Variants in CBFA2T3 observed in about 807,000 individuals in gnomAD.
The protein encoded by CBFA2T3 is transcriptional corepressor CBFA2T3.
A neutral mutation model predicts 58.6 loss-of-function variants in CBFA2T3; 31 were observed. That is an observed-to-expected ratio of 0.53 (90% CI 0.40 to 0.71). The LOEUF (loss-of-function observed/expected upper bound fraction) is 0.71. CBFA2T3 is among the 30% of genes least tolerant of loss of function. CBFA2T3 has a pLI of 0.00. For missense variants in CBFA2T3, 1,076 were observed against 963.1 expected (o/e 1.12, Z -1.55); for synonymous variants, 531 against 421.9 (o/e 1.26, Z -3.17).
intron 1 of CBFA2T3, among the ~76,000 whole-genome samples, chr16:88,961,164 C>CAGAT (rs1972344201): frequency 6.6e-6 from 1 of 152,190 alleles, no homozygotes; most frequent in Non-Finnish European, 1.5e-5. Context: ...GCTTTCTAAA[C>CAGAT]CTGCTGTAAC....
intron 5 of CBFA2T3, among the ~76,000 whole-genome samples, chr16:88,888,221 C>T (rs1053482275): frequency 6.6e-6 from 1 of 151,580 alleles, no homozygotes; most frequent in Non-Finnish European, 1.5e-5. Flanking sequence ...CCCTCAGCCA[C>T]GATTCCTGCC....
At chr16:88,907,118 T>C (rs1970365175) in intron 1 of CBFA2T3, among the ~76,000 whole-genome samples, 1 of 152,212 alleles carries the variant, frequency 6.6e-6, no homozygotes, top group African/African-American at 2.4e-5. Context: ...CCAGCATCCC[T>C]GAACTCTACA....
chr16:88,935,920 G>A (rs1222715543), intron 1 of CBFA2T3, among the ~76,000 whole-genome samples: 1 of 152,156 alleles, frequency 6.6e-6, no homozygotes, highest in Admixed American at 6.5e-5. Flanking sequence ...TGTAGGTCAC[G>A]CAGCTGCTGG....
chr16:88,905,762 C>A (rs145542134), intron 1 of CBFA2T3, among the ~76,000 whole-genome samples: 4,926 of 33,502 alleles, frequency 0.15, 193 homozygotes, highest in African/African-American at 0.27. Context: ...GGCTGAAGGA[C>A]GGTGGGGATG....
chr16:88,929,478 C>T (rs1325996560), intron 1 of CBFA2T3, among the ~76,000 whole-genome samples: 1 of 152,252 alleles, frequency 6.6e-6, no homozygotes, highest in African/African-American at 2.4e-5. Context: ...GCCAGGGATT[C>T]TACTCCTAGG....
intron 1 of CBFA2T3, among the ~76,000 whole-genome samples, chr16:88,935,662 T>C: frequency 6.6e-6 from 1 of 152,036 alleles, no homozygotes; most frequent in East Asian, 1.9e-4. Context: ...ACCACCCCAT[T>C]TTGCAAAGGT....
intron 1 of CBFA2T3, among the ~76,000 whole-genome samples, chr16:88,931,831 A>G (rs1971316472): frequency 6.6e-6 from 1 of 152,034 alleles, no homozygotes; most frequent in Admixed American, 6.5e-5. Context: ...CTCACGCTTT[A>G]TAAAAGCTCT....
In CBFA2T3 at chr16:88,876,977, C is replaced by T. The variant is rs1247724340; in HGVS notation, c.1961G>A (p.Ter654=). The change falls in exon 12 of 12, where the codon TGA becomes TAA. Residue 654 remains the stop codon, a stop_retained_variant. Coordinates refer to ENST00000268679, the MANE Select transcript of CBFA2T3 (RefSeq NM_005187.6). The part of the protein sequence containing the change: ...PPGPLDTVPR[*] ...CCGGCAGGCCAGGGGCCAGTGGGGT[C>T]AGCGGGGCACGGTGTCCAGTGGGCC... 1 of 1,437,864 alleles carries T rather than the reference C, an allele frequency of 7.0e-7. No homozygotes were observed. Among genetic ancestry groups the T allele is most frequent in the Non-Finnish European group, 9.1e-7 (1 of 1,101,358 alleles). 89.1% of individuals were successfully genotyped at this position (1,437,864 alleles called of 1,614,324 possible).
chr16:88,875,089 A>G lies in CBFA2T3; in HGVS notation c.*1887T>C, dbSNP rs957108481. The G allele has an allele frequency of 1.7e-5, 4 of 235,490 alleles. No individual in the cohort carries two copies. The highest frequency in any genetic ancestry group is 2.5e-5 in the Non-Finnish European group (3 of 119,598). The allele number at this position is 235,490 out of a possible 1,614,324, so 14.6% of individuals were successfully genotyped here. A position where few individuals can be genotyped will look rare whatever the true frequency, so the allele number is the denominator to read the frequency against. Reference sequence around the variant, plus strand: ...CCAGGCCACGGGCCACGCCACGCGCACAGATGCCAGGCCACGGGCCACGCC... The same window carrying G: ...CCAGGCCACGGGCCACGCCACGCGCGCAGATGCCAGGCCACGGGCCACGCC... On this transcript the variant is annotated 3_prime_UTR_variant, in exon 12 of 12. Transcript: ENST00000268679.
rs750355934 is a variant in CBFA2T3 at position 88,877,277 on chromosome 16, T to TG, written c.1663-3dup. The TG allele has an allele frequency of 6.5e-7, 1 of 1,544,326 alleles. No homozygotes were observed. The highest frequency in any genetic ancestry group is 1.2e-5 in the South Asian group (1 of 83,552). ...TTTCCGCCCGCAGTTCCAGCAGCTCTGGGTGGGGGCAGAGGGGCCAGTCAG... is the reference window on the plus strand; with the variant it reads ...TTTCCGCCCGCAGTTCCAGCAGCTCTGGGGTGGGGGCAGAGGGGCCAGTCAG... On this transcript the variant is annotated splice_polypyrimidine_tract_variant and splice_region_variant and intron_variant, in intron 11 of 11. Transcript: ENST00000268679.
intron 1 of CBFA2T3, among the ~76,000 whole-genome samples, chr16:88,904,579 C>T (rs866763281): frequency 3.3e-5 from 5 of 152,210 alleles, no homozygotes; most frequent in African/African-American, 9.6e-5. Flanking sequence ...AACCTGAGGC[C>T]GAACGGAGGC....
rs1799652016 is a variant in CBFA2T3, at chr16:88,875,703, G to A, written c.*1273C>T. The A allele has an allele frequency of 4.3e-6, 1 of 233,432 alleles. No individual in the cohort carries two copies. The highest frequency in any genetic ancestry group is 2.2e-5 in the African/African-American group (1 of 45,254). The allele number at this position is 233,432 out of a possible 1,614,324, so 14.5% of individuals were successfully genotyped here. ...GGCTGGCCGAGAAGCAGTGTTTCAG[G>A]GAGGCCTGCTGGCTCCGCATGCTCG... is the stretch of plus-strand genomic sequence containing the variant. On this transcript the variant is annotated 3_prime_UTR_variant, in exon 12 of 12. Coordinates refer to ENST00000268679, the MANE Select transcript of CBFA2T3 (RefSeq NM_005187.6).
chr16:88,976,756 T>C lies in CBFA2T3; in HGVS notation c.52A>G (p.Thr18Ala). ...TGCGTCTGGGACATGGAGCCACAGG[T>C]GGATCCCGAGGCTGAACTGGCTGCC... ...DRAASSASGS[T>A]CGSMSQTHPV... The change falls in exon 1 of 12, where the codon ACC (threonine) becomes GCC (alanine). Residue 18 changes from threonine (T) to alanine (A), a missense_variant. By Grantham distance (58) the Thr-to-Ala change is moderately conservative. Coordinates refer to ENST00000268679, the MANE Select transcript of CBFA2T3 (RefSeq NM_005187.6). 6.4e-7 allele frequency: 1 copy of C among 1,556,974 alleles called. No individual in the cohort carries two copies. Among genetic ancestry groups the C allele is most frequent in the Non-Finnish European group, 8.7e-7 (1 of 1,150,236 alleles).
At chr16:88,891,067 G>A (rs773372486) in intron 5 of CBFA2T3, among the ~76,000 whole-genome samples, 14 of 152,230 alleles carry the variant, frequency 9.2e-5, no homozygotes, top group East Asian at 3.9e-4. Context: ...CCTGGTCCAC[G>A]GTTGATCTGG....
At chr16:88,969,656 A>T (rs1372220766) in intron 1 of CBFA2T3, among the ~76,000 whole-genome samples, 3 of 152,146 alleles carry the variant, frequency 2.0e-5, no homozygotes, top group Non-Finnish European at 4.4e-5. Flanking sequence ...GGCCGGCCTG[A>T]CGACGCACAG....
intron 1 of CBFA2T3, among the ~76,000 whole-genome samples, chr16:88,935,876 G>A (rs542861697): frequency 1.1e-4 from 17 of 152,314 alleles, no homozygotes; most frequent in African/African-American, 3.1e-4. Flanking sequence ...TGCATTTTGC[G>A]TTTGAGACCC....
At chr16:88,910,135 T>C (rs1970482924) in intron 1 of CBFA2T3, among the ~76,000 whole-genome samples, 1 of 152,236 alleles carries the variant, frequency 6.6e-6, no homozygotes, top group Admixed American at 6.5e-5. Flanking sequence ...GTGCTGTGCC[T>C]CGGTCACTCG....
At chr16:88,881,850 G>A (rs1414110283) in intron 8 of CBFA2T3, among the ~76,000 whole-genome samples, 1 of 152,256 alleles carries the variant, frequency 6.6e-6, no homozygotes, top group African/African-American at 2.4e-5. Flanking sequence ...ACAGTGCTGG[G>A]AGGGGTGCTG....
At chr16:88,960,635 G>A (rs937476679) in intron 1 of CBFA2T3, among the ~76,000 whole-genome samples, 2 of 152,218 alleles carry the variant, frequency 1.3e-5, no homozygotes, top group Non-Finnish European at 2.9e-5. Flanking sequence ...CTGGAGCAGG[G>A]GCAGCCACTT....
Sources: gnomAD v4.1 joint callset for allele counts (sites outside exome capture counted in the v4.1 genomes callset) on GRCh38, gnomAD v4.1.1 for gene constraint, MANE v1.5 for transcripts, NCBI Gene and HGNC (gene_info 2026-07-23, HGNC 2026-07-21) for gene names.